Variants in POU2F1 observed in about 807,000 individuals in gnomAD.
The protein encoded by POU2F1 is POU class 2 homeobox 1.
Under a neutral mutation model 84.9 loss-of-function variants are expected in POU2F1, and 16 were observed. The observed-to-expected ratio is 0.19, with a 90% CI of 0.13 to 0.29. POU2F1 has a LOEUF of 0.29. Among genes scored for constraint, POU2F1 ranks in the 10% least tolerant of loss-of-function variants. The pLI, the probability that POU2F1 is intolerant of heterozygous loss-of-function variation, is 1.00. For missense variants in POU2F1, 738 were observed against 942.6 expected (o/e 0.78, Z 2.84); for synonymous variants, 368 against 368.3 (o/e 1.00, Z 0.01).
intron 1 of POU2F1, among the ~76,000 whole-genome samples, chr1:167,318,568 A>G (rs377332294): frequency 2.0e-5 from 3 of 152,192 alleles, no homozygotes; most frequent in Non-Finnish European, 2.9e-5. Context: ...GTATGCCTCA[A>G]TTATAAGAGC....
chr1:167,248,215 C>T (rs1351523744), intron 1 of POU2F1, among the ~76,000 whole-genome samples: 1 of 152,160 alleles, frequency 6.6e-6, no homozygotes, highest in Non-Finnish European at 1.5e-5. Flanking sequence ...TGTTTAACTG[C>T]ATCACATTTA....
chr1:167,343,574 A>T (rs189037437), intron 2 of POU2F1, among the ~76,000 whole-genome samples: 1 of 150,118 alleles, frequency 6.7e-6, no homozygotes. Flanking sequence ...TATTCTTTCA[A>T]TTAGATCCAT....
intron 1 of POU2F1, among the ~76,000 whole-genome samples, chr1:167,226,615 G>A (rs1048690977): frequency 6.6e-6 from 1 of 152,142 alleles, no homozygotes; most frequent in African/African-American, 2.4e-5. Flanking sequence ...TACTTGATCC[G>A]TTTACAGTAT....
At chr1:167,396,238 A>G (rs745967179) in intron 9 of POU2F1, 48 bp from the exon 10 acceptor site, 2 of 1,604,722 alleles carry the variant, frequency 1.2e-6, no homozygotes. Context: ...CACTGGTGAG[A>G]TAACTCTGTC....
chr1:167,403,887 G>T (rs559760002), intron 13 of POU2F1, among the ~76,000 whole-genome samples: 2 of 152,212 alleles, frequency 1.3e-5, no homozygotes, highest in African/African-American at 4.8e-5. Flanking sequence ...TAACTGAGAA[G>T]TATTTATTTT....
Position 167,374,121 on chromosome 1 carries a change from C to T in POU2F1, c.416C>T (p.Pro139Leu). The change falls in exon 6 of 16, where the codon CCT (proline) becomes CTT (leucine). Residue 139 changes from proline to leucine, a missense_variant. By Grantham distance (98) the Pro-to-Leu change is moderately conservative. This residue lies in a region of POU2F1 where 163 missense variants were observed against 214.4 expected (regional missense o/e 0.76). Transcript: ENST00000367866. ...GGTTTTGTTTAGCTTACTTTGACGC[C>T]TGCCCAGCAACAGTTACTACTCCAG... ...GGQITGLTLT[P>L]AQQQLLLQQA... The T allele has an allele frequency of 6.2e-7, 1 of 1,614,082 alleles. No homozygotes were observed. The highest frequency in any genetic ancestry group is 8.5e-7 in the Non-Finnish European group (1 of 1,180,010).
chr1:167,376,292 T>C (rs1027678052), intron 7 of POU2F1, 137 bp downstream of exon 7: 35 of 1,132,612 alleles, frequency 3.1e-5, no homozygotes, highest in Middle Eastern at 2.9e-4. Flanking sequence ...TTATAAACTT[T>C]CGTTTAAAAA....
chr1:167,415,791 C>T lies in POU2F1; in HGVS notation c.2282C>T (p.Thr761Ile), dbSNP rs1253283850. ...SASGAASTTT[T>I]ASKAQ is the part of the protein sequence containing the mutation. ...AGCGGGGCTGCGTCCACCACCACCA[C>T]CGCCTCCAAGGCACAGTGAGCTGGG... Residue 761 changes from threonine (T) to isoleucine (I), a missense_variant, in exon 16 of 16, where the codon ACC becomes ATC. Transcript: ENST00000367866. 3 of 1,613,988 alleles carry T rather than the reference C, an allele frequency of 1.9e-6. No individual in the cohort carries two copies. Among genetic ancestry groups the T allele is most frequent in the South Asian group, 1.1e-5 (1 of 91,062 alleles).
intron 3 of POU2F1, 28 bp downstream of exon 3, chr1:167,365,595 G>A: frequency 6.6e-7 from 1 of 1,512,280 alleles, no homozygotes; most frequent in Non-Finnish European, 9.0e-7. Flanking sequence ...AACCATCAGT[G>A]AGAGTGAAAG....
chr1:167,257,404 A>G (rs144059661), intron 1 of POU2F1, among the ~76,000 whole-genome samples: 4 of 152,292 alleles, frequency 2.6e-5, no homozygotes, highest in Admixed American at 6.5e-5. Context: ...GGTGGATGGC[A>G]TTTTGGCCTG....
intron 1 of POU2F1, among the ~76,000 whole-genome samples, chr1:167,257,495 C>A (rs1250938102): frequency 6.6e-6 from 1 of 152,100 alleles, no homozygotes; most frequent in Non-Finnish European, 1.5e-5. Flanking sequence ...AATGTTGGAA[C>A]CGTATAGGGC....
intron 1 of POU2F1, among the ~76,000 whole-genome samples, chr1:167,318,748 A>G (rs1271107327): frequency 6.6e-6 from 1 of 152,186 alleles, no homozygotes; most frequent in African/African-American, 2.4e-5. Flanking sequence ...TATTCATAAC[A>G]GTTCTTTTCT....
chr1:167,324,404 T>A (rs1210464028), intron 1 of POU2F1, among the ~76,000 whole-genome samples: 2 of 147,290 alleles, frequency 1.4e-5, no homozygotes, highest in Non-Finnish European at 2.9e-5. Flanking sequence ...TGACTTTCAG[T>A]GAAAAACGTA....
chr1:167,312,960 G>A (rs1374227864), intron 1 of POU2F1, among the ~76,000 whole-genome samples: 4 of 152,212 alleles, frequency 2.6e-5, no homozygotes, highest in Non-Finnish European at 5.9e-5. Context: ...TAGCCTAGGA[G>A]CAATAGGCTA....
At chr1:167,316,563 T>C (rs1655918015) in intron 1 of POU2F1, among the ~76,000 whole-genome samples, 1 of 151,588 alleles carries the variant, frequency 6.6e-6, no homozygotes, top group Non-Finnish European at 1.5e-5. Context: ...TGTATTATTA[T>C]TAAGAAATGT....
intron 1 of POU2F1, among the ~76,000 whole-genome samples, chr1:167,319,395 G>T (rs1337930450): frequency 6.6e-6 from 1 of 152,010 alleles, no homozygotes; most frequent in Non-Finnish European, 1.5e-5. Context: ...TGGGCTTTAG[G>T]CAGGCTCAAA....
chr1:167,344,153 GTAGT>G (rs1658043868), intron 2 of POU2F1, among the ~76,000 whole-genome samples: 1 of 152,154 alleles, frequency 6.6e-6, no homozygotes, highest in African/African-American at 2.4e-5. Context: ...GTAGCCACGT[GTAGT>G]TAGTGACTAC....
At chr1:167,364,647 G>A (rs868435488) in intron 2 of POU2F1, among the ~76,000 whole-genome samples, 2 of 144,064 alleles carry the variant, frequency 1.4e-5, no homozygotes, top group Admixed American at 7.0e-5. Context: ...GCGTGATCTC[G>A]GCTCACTGCA....
chr1:167,385,025 A>G (rs1647858602), intron 8 of POU2F1, among the ~76,000 whole-genome samples: 2 of 152,172 alleles, frequency 1.3e-5, no homozygotes, highest in South Asian at 4.1e-4. Context: ...CTCAATATAT[A>G]AAAATCATTT....
Sources: allele counts gnomAD v4.1 joint callset (sites outside exome capture counted in the v4.1 genomes callset), GRCh38; gene constraint gnomAD v4.1.1; regional missense constraint gnomAD v4.1.1; transcripts MANE v1.5; gene names NCBI Gene and HGNC (gene_info 2026-07-23, HGNC 2026-07-21).